PAPPA2: variants seen among roughly 807,000 people sequenced by gnomAD.
PAPPA2 encodes the protein pappalysin-2.
PAPPA2 carries 86 observed loss-of-function variants against 176.4 expected under a neutral mutation model. The ratio of observed to expected loss-of-function variants is 0.49; its 90% CI spans 0.41 to 0.58. The LOEUF (loss-of-function observed/expected upper bound fraction) is 0.58, where lower values mean the gene tolerates loss of function less well. Among genes scored for constraint, PAPPA2 ranks in the 20% least tolerant of loss-of-function variants. The pLI is 0.00. For missense variants in PAPPA2, 2,073 were observed against 2,256.9 expected (o/e 0.92, Z 1.65); for synonymous variants, 809 against 852.2 (o/e 0.95, Z 0.88).
chr1:176,802,096 G>T (rs540393676), intron 21 of PAPPA2, among the ~76,000 whole-genome samples: 1 of 152,106 alleles, frequency 6.6e-6, no homozygotes, highest in East Asian at 1.9e-4. Context: ...ATACCTACTC[G>T]ATCAGAAACT....
chr1:176,678,431 T>C (rs889920322), intron 4 of PAPPA2, among the ~76,000 whole-genome samples: 2 of 125,858 alleles, frequency 1.6e-5, no homozygotes, highest in African/African-American at 5.7e-5. Context: ...GGTCATTTAC[T>C]TTTTTTTTTT....
chr1:176,713,335 A>G (rs180775059), intron 12 of PAPPA2, among the ~76,000 whole-genome samples: 15 of 152,122 alleles, frequency 9.9e-5, no homozygotes, highest in Admixed American at 9.8e-4. Context: ...TTTAAATGTT[A>G]TATAGAGATG....
Position 176,710,072 on chromosome 1 carries a change from A to C in PAPPA2, c.3547A>C (p.Thr1183Pro). 1 of 1,613,782 alleles carries C rather than the reference A, an allele frequency of 6.2e-7. No homozygotes were observed. The highest frequency in any genetic ancestry group is 1.1e-5 in the South Asian group (1 of 91,060). Residue 1183 changes from threonine to proline, a missense_variant, in exon 11 of 23, where the codon ACT becomes CCT. By Grantham distance (38) the Thr-to-Pro change is conservative (BLOSUM62 -1). This residue lies in a region of PAPPA2 where 846 missense variants were observed against 857.9 expected (regional missense o/e 0.99). Coordinates refer to ENST00000367662, the MANE Select transcript of PAPPA2 (RefSeq NM_020318.3). ...CAGCATTGTAGACTGTGGCATCTAC[A>C]CTCCCAAAGGATACTTGGATCAATG... ...KTSIVDCGIYTPKGYLDQWAT... is the reference protein window; with the variant it reads ...KTSIVDCGIYPPKGYLDQWAT...
At chr1:176,589,433 C>A (rs1471068113) in intron 2 of PAPPA2, among the ~76,000 whole-genome samples, 1 of 152,164 alleles carries the variant, frequency 6.6e-6, no homozygotes, top group Non-Finnish European at 1.5e-5. Flanking sequence ...CCTCAATTTA[C>A]CTTGTCTCAA....
chr1:176,668,582 C>T (rs1658799736), intron 3 of PAPPA2, among the ~76,000 whole-genome samples: 1 of 152,144 alleles, frequency 6.6e-6, no homozygotes, highest in African/African-American at 2.4e-5. Flanking sequence ...TCTTCATTAG[C>T]TCCGATTAAC....
chr1:176,778,360 A>G (rs1664556864), intron 17 of PAPPA2, among the ~76,000 whole-genome samples: 1 of 152,186 alleles, frequency 6.6e-6, no homozygotes, highest in Non-Finnish European at 1.5e-5. Context: ...ATAATTTAAA[A>G]AATTAGGATG....
intron 2 of PAPPA2, among the ~76,000 whole-genome samples, chr1:176,576,888 T>C (rs1468936913): frequency 1.3e-5 from 2 of 151,912 alleles, no homozygotes; most frequent in Non-Finnish European, 2.9e-5. Context: ...TTTTAGATAG[T>C]GTAGAAAATG....
At chr1:176,570,991 GA>G (rs1216847888) in intron 2 of PAPPA2, among the ~76,000 whole-genome samples, 3 of 152,060 alleles carry the variant, frequency 2.0e-5, no homozygotes, top group Non-Finnish European at 2.9e-5. Flanking sequence ...CTTAGCAGTG[GA>G]AGCCTTCAGA....
chr1:176,515,876 A>C (rs1648882008), intron 1 of PAPPA2, among the ~76,000 whole-genome samples: 1 of 152,152 alleles, frequency 6.6e-6, no homozygotes, highest in Non-Finnish European at 1.5e-5. Context: ...TGGGATAAAT[A>C]AGTGGAATTG....
Position 176,555,450 on chromosome 1 carries a change from C to T in PAPPA2, c.-873C>T, listed in dbSNP as rs1377263367. On this transcript the variant is annotated 5_prime_UTR_variant, in exon 2 of 23. Coordinates refer to ENST00000367662, the MANE Select transcript of PAPPA2 (RefSeq NM_020318.3). ...GAAGGTGAAGTTAAGAGCTCCCAGA[C>T]TCATAAGGTTATTAGAACAGCAAAC... is the stretch of plus-strand genomic sequence containing the variant. 1 of 152,244 alleles carries T rather than the reference C, an allele frequency of 6.6e-6. No individual in the cohort carries two copies. The highest frequency in any genetic ancestry group is 1.5e-5 in the Non-Finnish European group (1 of 68,100). 9.4% of individuals were successfully genotyped at this position (152,244 alleles called of 1,614,324 possible). A position where few individuals can be genotyped will look rare whatever the true frequency, so the allele number is the denominator to read the frequency against.
At chr1:176,697,956 G>T (rs1660461859) in intron 7 of PAPPA2, among the ~76,000 whole-genome samples, 3 of 151,820 alleles carry the variant, frequency 2.0e-5, no homozygotes, top group Admixed American at 2.0e-4. Context: ...ACACAATATA[G>T]GCAAAAAACA....
chr1:176,674,246 C>G (rs1301486660), intron 4 of PAPPA2, among the ~76,000 whole-genome samples: 2 of 151,994 alleles, frequency 1.3e-5, no homozygotes, highest in Non-Finnish European at 2.9e-5. Context: ...AGCCTAAAAT[C>G]CAGCCTGAAA....
chr1:176,465,403 A>G (rs1189265182), intron 1 of PAPPA2, among the ~76,000 whole-genome samples: 1 of 152,134 alleles, frequency 6.6e-6, no homozygotes, highest in Non-Finnish European at 1.5e-5. Flanking sequence ...TATACTGGCT[A>G]TTTTTTATTT....
chr1:176,529,447 T>C (rs1649679094), intron 1 of PAPPA2, among the ~76,000 whole-genome samples: 2 of 97,762 alleles, frequency 2.0e-5, no homozygotes, highest in South Asian at 5.8e-4. Flanking sequence ...GGATCTGATC[T>C]CCTGGCTGCC....
chr1:176,796,104 C>T (rs1246050525), intron 20 of PAPPA2, among the ~76,000 whole-genome samples: 3 of 152,182 alleles, frequency 2.0e-5, no homozygotes, highest in Non-Finnish European at 4.4e-5. Context: ...ATGGGTACAA[C>T]TGTGTGTAAC....
chr1:176,797,454 G>A (rs577074700), intron 20 of PAPPA2, among the ~76,000 whole-genome samples: 8 of 152,088 alleles, frequency 5.3e-5, no homozygotes, highest in African/African-American at 1.7e-4. Flanking sequence ...GACCAGCCTG[G>A]GCAACACAGT....
chr1:176,598,759 C>T (rs1205825480), intron 3 of PAPPA2, among the ~76,000 whole-genome samples: 1 of 152,126 alleles, frequency 6.6e-6, no homozygotes, highest in Non-Finnish European at 1.5e-5. Flanking sequence ...AGAGCTCTCT[C>T]TTCTAGTTAA....
intron 2 of PAPPA2, among the ~76,000 whole-genome samples, chr1:176,565,033 G>A (rs1405577775): frequency 6.6e-6 from 1 of 152,042 alleles, no homozygotes; most frequent in African/African-American, 2.4e-5. Flanking sequence ...AAAATGGAAT[G>A]TATCATACAA....
intron 1 of PAPPA2, among the ~76,000 whole-genome samples, chr1:176,491,619 GA>G (rs1647296038): frequency 6.6e-6 from 1 of 152,184 alleles, no homozygotes; most frequent in African/African-American, 2.4e-5. Flanking sequence ...GAATTGATAA[GA>G]TGTATACATG....
Sources: gnomAD v4.1 joint callset for allele counts (sites outside exome capture counted in the v4.1 genomes callset) on GRCh38, gnomAD v4.1.1 for gene constraint, gnomAD v4.1.1 regional missense constraint, MANE v1.5 for transcripts, NCBI Gene and HGNC (gene_info 2026-07-23, HGNC 2026-07-21) for gene names.